MICALL2: variants seen among roughly 807,000 people sequenced by gnomAD.
MICALL2 encodes MICAL-like protein 2.
A neutral mutation model predicts 91.1 loss-of-function variants in MICALL2; 111 were observed. The observed-to-expected ratio is 1.22, with a 90% CI of 1.04 to 1.43. MICALL2 has a LOEUF of 1.43. MICALL2 is among the 40% of genes most tolerant of loss of function. The pLI, the probability that MICALL2 is intolerant of heterozygous loss-of-function variation, is 0.00. For synonymous variants in MICALL2, 694 were observed against 525.3 expected (o/e 1.32, Z -4.39); for missense variants, 1,556 against 1,236.0 (o/e 1.26, Z -3.88).
chr7:1,445,236 C>T lies in MICALL2; in HGVS notation c.834G>A (p.Glu278=). ...RTSCSPQKAQ[E]ANKARPSAWE... is the part of the protein sequence containing the mutation. ...AGGCCGACGGTCTGGCCTTGTTTGC[C>T]TCCTGGGCCTTCTGTGGGGAACAGG... is the stretch of plus-strand genomic sequence containing the variant. Residue 278 remains glutamate, a synonymous_variant, in exon 6 of 17, where the codon GAG becomes GAA. Transcript: ENST00000297508. The T allele has an allele frequency of 6.2e-7, 1 of 1,611,912 alleles. No homozygotes were observed. Among genetic ancestry groups the T allele is most frequent in the Non-Finnish European group, 8.5e-7 (1 of 1,179,634 alleles).
At chr7:1,437,011 G>C in intron 14 of MICALL2, 155 bp from the exon 15 acceptor site, 1 of 543,022 alleles carries the variant, frequency 1.8e-6, no homozygotes, top group Non-Finnish European at 3.2e-6. Flanking sequence ...GTGAATAAGT[G>C]AATGAAGGAA....
chr7:1,442,478 G>A lies in MICALL2; in HGVS notation c.1425C>T (p.Ser475=). Reference sequence around the variant, plus strand: ...AACTGGGAACAGCGGCAGTGGCTGGGGAGGGCCTATAAGTAAAAGCGCAGG... The same window carrying A: ...AACTGGGAACAGCGGCAGTGGCTGGAGAGGGCCTATAAGTAAAAGCGCAGG... The part of the protein sequence containing the change: ...EAGAPAPGRP[S]PATAAVPSSQ... The change falls in exon 7 of 17, where the codon TCC becomes TCT. Residue 475 remains serine (S), a synonymous_variant. Transcript: ENST00000297508. 6.5e-7 allele frequency: 1 copy of A among 1,530,086 alleles called. No individual in the cohort carries two copies. The highest frequency in any genetic ancestry group is 1.3e-5 in the South Asian group (1 of 77,700). 94.8% of individuals were successfully genotyped at this position (1,530,086 alleles called of 1,614,324 possible).
rs905614843 is a variant in MICALL2, at chr7:1,438,832, G to A, written c.2122+8C>T. 4 of 1,598,396 alleles carry A rather than the reference G, an allele frequency of 2.5e-6. No individual in the cohort carries two copies. The highest frequency in any genetic ancestry group is 4.5e-5 in the East Asian group (2 of 44,532). ...ACCCCAAACAGCAGCGGTGTCTCTG[G>A]GGCTGACCTGGTTTGCCCTGAAGGT... is the stretch of plus-strand genomic sequence containing the variant. On this transcript the variant is annotated splice_region_variant and intron_variant, in intron 10 of 16. Coordinates refer to ENST00000297508, the MANE Select transcript of MICALL2 (RefSeq NM_182924.4).
intron 7 of MICALL2, chr7:1,441,916 GCTGCAGGGCTGGGCTGCAGGCAC>G: frequency 3.9e-6 from 2 of 506,470 alleles, no homozygotes; most frequent in Non-Finnish European, 7.1e-6. Context: ...TGAGCGGGAC[GCTGCAGGGCTGGGCTGCAGGCAC>G]CTGCAGGACG....
chr7:1,443,648 G>A (rs956341499), intron 6 of MICALL2, among the ~76,000 whole-genome samples: 1 of 152,178 alleles, frequency 6.6e-6, no homozygotes, highest in South Asian at 2.1e-4. Context: ...GACAGACAGA[G>A]AGAAGGCCAC....
At position 1,444,067 on chromosome 7, in the gene MICALL2, G is replaced by A. The variant is rs1357087100; in HGVS notation, c.1418+585C>T. ...AGACCCGCCAGCGTGGGTCCCGCTCGCGACCTGTCCCCGCGTCCACTCAGA... is the reference window on the plus strand; with the variant it reads ...AGACCCGCCAGCGTGGGTCCCGCTCACGACCTGTCCCCGCGTCCACTCAGA... On this transcript the variant is annotated intron_variant, in intron 6 of 16. Transcript: ENST00000297508. Among the ~76,000 whole-genome samples the A allele has an allele frequency of 6.7e-5, 8 of 119,172 alleles. No individual in the cohort carries two copies. The East Asian group carries it at 1.1e-3, about 16-fold the overall frequency. The allele number at this position is 119,172 out of a possible 152,430, so 78.2% of individuals were successfully genotyped here. A position where few individuals can be genotyped will look rare whatever the true frequency, so the allele number is the denominator to read the frequency against.
At chr7:1,449,303 A>G (rs1352143473) in intron 2 of MICALL2, among the ~76,000 whole-genome samples, 2 of 151,972 alleles carry the variant, frequency 1.3e-5, no homozygotes, top group East Asian at 1.9e-4. Context: ...GGACTTGTTT[A>G]TTTATTTATT....
chr7:1,455,900 G>C (rs1287520233), intron 1 of MICALL2, among the ~76,000 whole-genome samples: 1 of 152,002 alleles, frequency 6.6e-6, no homozygotes, highest in Non-Finnish European at 1.5e-5. Flanking sequence ...CAAGGGCGGG[G>C]CCTCACACAG....
intron 1 of MICALL2, among the ~76,000 whole-genome samples, chr7:1,456,066 G>A (rs1444623960): frequency 6.6e-6 from 1 of 151,912 alleles, no homozygotes; most frequent in Non-Finnish European, 1.5e-5. Flanking sequence ...CAGAGGTACG[G>A]CAGGGAGCAG....
chr7:1,441,152 G>C (rs1167787319), intron 7 of MICALL2: 2 of 169,324 alleles, frequency 1.2e-5, no homozygotes, highest in Non-Finnish European at 2.6e-5. Context: ...AGCCCAGCTC[G>C]ATAAAGCCAT....
chr7:1,437,825 C>G, intron 13 of MICALL2, 65 bp downstream of exon 13: 1 of 1,455,052 alleles, frequency 6.9e-7, no homozygotes. Flanking sequence ...CTGTCCCCCG[C>G]CTGGCCTGCC....
rs1224922492 is a variant in MICALL2, at chr7:1,447,625, G to T, written c.475C>A (p.Pro159Thr). 1 of 1,598,340 alleles carries T rather than the reference G, an allele frequency of 6.3e-7. No individual in the cohort carries two copies. Among genetic ancestry groups the T allele is most frequent in the East Asian group, 2.3e-5 (1 of 44,354 alleles). ...CCCTCATTCCTCCTCTGGACCACAGGGTTTGTCTGGGCTGGAGATAGTGGA... is the reference window on the plus strand; with the variant it reads ...CCCTCATTCCTCCTCTGGACCACAGTGTTTGTCTGGGCTGGAGATAGTGGA... ...KPPLSPAQTNPVVQRRNEGAG... is the reference protein window; with the variant it reads ...KPPLSPAQTNTVVQRRNEGAG... The change falls in exon 4 of 17, where the codon CCT becomes ACT. Residue 159 changes from proline to threonine, a missense_variant. Physicochemically the swap from Pro to Thr is conservative, Grantham distance 38. Coordinates refer to ENST00000297508, the MANE Select transcript of MICALL2 (RefSeq NM_182924.4).
chr7:1,434,720 C>T (rs1394879559), intron 16 of MICALL2, 48 bp from the exon 17 acceptor site: 36 of 1,499,482 alleles, frequency 2.4e-5, no homozygotes, highest in Non-Finnish European at 3.2e-5. Flanking sequence ...CGCAGCCGCA[C>T]AGCCGTGGCC....
At chr7:1,438,018 AGAGTT>A (rs758329408) in intron 12 of MICALL2, 38 bp from the exon 13 acceptor site, 16 of 1,551,808 alleles carry the variant, frequency 1.0e-5, no homozygotes, top group Non-Finnish European at 1.2e-5. Context: ...GGGGCCCGCC[AGAGTT>A]CATGGCCCCC....
In MICALL2 at chr7:1,448,670, A is replaced by C; in HGVS notation, c.284T>G (p.Ile95Ser). The part of the protein sequence containing the change: ...VALKVPDRLS[I>S]LTYVSQYYNY... ...GTAATACTGGGACACGTAGGTCAAG[A>C]TGCTCAGCCGGTCAGGCACCTTCAA... The change falls in exon 3 of 17, where the codon ATC becomes AGC. Residue 95 changes from isoleucine (I) to serine (S), a missense_variant. Physicochemically the swap from Ile to Ser is moderately radical, Grantham distance 142. Transcript: ENST00000297508. 6.2e-7 allele frequency: 1 copy of C among 1,612,766 alleles called. No homozygotes were observed. Among genetic ancestry groups the C allele is most frequent in the Non-Finnish European group, 8.5e-7 (1 of 1,179,922 alleles).
intron 1 of MICALL2, among the ~76,000 whole-genome samples, chr7:1,454,400 A>C (rs1287454297): frequency 2.0e-5 from 3 of 151,180 alleles, no homozygotes; most frequent in African/African-American, 7.3e-5. Flanking sequence ...GGACTCGGGG[A>C]AGGAGCAAAC....
At chr7:1,434,984 C>CGGGGGGG in intron 16 of MICALL2, 117 bp downstream of exon 16, 2 of 449,078 alleles carry the variant, frequency 4.5e-6, no homozygotes, top group Non-Finnish European at 3.9e-6. Context: ...ACCCGATACC[C>CGGGGGGG]GCCCCCCCCC....
In MICALL2 at chr7:1,452,808, G is replaced by A. The variant is rs1474546181; in HGVS notation, c.144-2520C>T. On this transcript the variant is annotated intron_variant, in intron 1 of 16. Transcript: ENST00000297508. This position sits in a 1 kb window ranked among gnomAD's most constrained non-coding sequence, Gnocchi z 6.2. ...ATCGCGGCCTCAGGATGAGGTTCAAGCTGCATTCGGGGCGTTTGAGGCCTA... is the reference window on the plus strand; with the variant it reads ...ATCGCGGCCTCAGGATGAGGTTCAAACTGCATTCGGGGCGTTTGAGGCCTA... 2.0e-5 allele frequency among the ~76,000 whole-genome samples: 3 copies of A among 152,156 alleles called. No homozygotes were observed. Among genetic ancestry groups the A allele is most frequent in the African/African-American group, 7.2e-5 (3 of 41,424 alleles).
rs1318182633 is a variant in MICALL2 at position 1,437,842 on chromosome 7, G to GCAACGAGGTCCTGGCCTT, written c.2402+30_2402+47dup. 4.0e-6 allele frequency: 6 copies of GCAACGAGGTCCTGGCCTT among 1,507,976 alleles called. No individual in the cohort carries two copies. The African/African-American group carries it at 8.3e-5, about 21-fold the overall frequency. The allele number at this position is 1,507,976 out of a possible 1,614,324, so 93.4% of individuals were successfully genotyped here. A position where few individuals can be genotyped will look rare whatever the true frequency, so the allele number is the denominator to read the frequency against. On this transcript the variant is annotated intron_variant, in intron 13 of 16. Transcript: ENST00000297508. Reference sequence around the variant, plus strand: ...GTCCCCCGCCTGGCCTGCCCAGCCCGCAACGAGGTCCTGGCCTTCGAGGAG... The same window carrying GCAACGAGGTCCTGGCCTT: ...GTCCCCCGCCTGGCCTGCCCAGCCCGCAACGAGGTCCTGGCCTTCAACGAGGTCCTGGCCTTCGAGGAG...
Sources: gnomAD v4.1 joint callset for allele counts (sites outside exome capture counted in the v4.1 genomes callset) on GRCh38, gnomAD v4.1.1 for gene constraint, Gnocchi (gnomAD v3.1) non-coding constraint, MANE v1.5 for transcripts, NCBI Gene and HGNC (gene_info 2026-07-23, HGNC 2026-07-21) for gene names.